YWHAE: variants seen among roughly 807,000 people sequenced by gnomAD.
YWHAE encodes the protein tyrosine 3-monooxygenase/tryptophan 5-monooxygenase activation protein epsilon, also known as 14-3-3 protein epsilon.
A neutral mutation model predicts 30.1 loss-of-function variants in YWHAE; 4 were observed. That is an observed-to-expected ratio of 0.13 (90% CI 0.07 to 0.30). YWHAE has a LOEUF of 0.30. Ranked by LOEUF, YWHAE falls within the 10% of genes least tolerant of loss-of-function variation. The pLI, the probability that YWHAE is intolerant of heterozygous loss-of-function variation, is 1.00. For synonymous variants in YWHAE, 118 were observed against 111.8 expected, an observed-to-expected ratio of 1.06 and a Z score of -0.35; for missense variants, 121 against 315.9, an observed-to-expected ratio of 0.38 and a Z score of 4.68.
At chr17:1,388,281 C>A (rs1385994602) in intron 1 of YWHAE, among the ~76,000 whole-genome samples, 1 of 150,622 alleles carries the variant, frequency 6.6e-6, no homozygotes, top group Non-Finnish European at 1.5e-5. Context: ...CTTTGGGAGG[C>A]TGAGTTGGGC....
Position 1,400,182 on chromosome 17 carries a change from C to T in YWHAE, c.-72G>A. 1.3e-6 allele frequency: 2 copies of T among 1,580,748 alleles called. No homozygotes were observed. The highest frequency in any genetic ancestry group is 3.4e-5 in the Admixed American group (2 of 59,320). ...AGTGTCTCCGACTCTCTCAGCCTCTCGCTCCGCGTCCGGGCAGCAAAAATG... is the reference window on the plus strand; with the variant it reads ...AGTGTCTCCGACTCTCTCAGCCTCTTGCTCCGCGTCCGGGCAGCAAAAATG... On this transcript the variant is annotated 5_prime_UTR_variant, in exon 1 of 6. Transcript: ENST00000264335.
chr17:1,389,467 C>T (rs549294685), intron 1 of YWHAE, among the ~76,000 whole-genome samples: 4 of 152,138 alleles, frequency 2.6e-5, no homozygotes, highest in Non-Finnish European at 5.9e-5. Context: ...ATAGCTAACA[C>T]CATTTTTCTT....
intron 1 of YWHAE, among the ~76,000 whole-genome samples, chr17:1,396,047 G>A (rs2007736): frequency 0.68 from 102,755 of 151,814 alleles, 36,686 homozygotes; most frequent in African/African-American, 0.91. Flanking sequence ...TGAACCCAGG[G>A]GATGGAGGTT....
intron 5 of YWHAE, among the ~76,000 whole-genome samples, chr17:1,351,204 C>T (rs1407320537): frequency 6.6e-6 from 1 of 151,806 alleles, no homozygotes; most frequent in Admixed American, 6.6e-5. Flanking sequence ...ATTAAAAATA[C>T]AAAAAATTAG....
intron 1 of YWHAE, among the ~76,000 whole-genome samples, chr17:1,385,924 G>GA (rs1014021206): frequency 3.3e-5 from 5 of 151,770 alleles, no homozygotes; most frequent in Non-Finnish European, 7.4e-5. Flanking sequence ...AAAAAAGGGG[G>GA]AAAAAAAGAA....
At chr17:1,370,973 T>C (rs1286151705) in intron 1 of YWHAE, among the ~76,000 whole-genome samples, 1 of 151,914 alleles carries the variant, frequency 6.6e-6, no homozygotes, top group Non-Finnish European at 1.5e-5. Flanking sequence ...CACTCCAGCC[T>C]GGGCGACACA....
chr17:1,346,483 A>G (rs7213824), intron 5 of YWHAE, among the ~76,000 whole-genome samples: 112,257 of 152,204 alleles, frequency 0.74, 42,819 homozygotes, highest in African/African-American at 0.93. Flanking sequence ...GGATGGACAA[A>G]TAACACCAAA....
intron 1 of YWHAE, among the ~76,000 whole-genome samples, chr17:1,384,296 A>C (rs568667417): frequency 6.0e-5 from 9 of 151,018 alleles, no homozygotes; most frequent in South Asian, 4.2e-4. Context: ...GGATTGCTTG[A>C]GCCCAGGAGG....
At chr17:1,359,051 G>A (rs1432348052) in intron 4 of YWHAE, among the ~76,000 whole-genome samples, 5 of 151,700 alleles carry the variant, frequency 3.3e-5, no homozygotes, top group South Asian at 2.1e-4. Flanking sequence ...CAGGAGAATC[G>A]CTTGAACCTG....
chr17:1,374,393 T>C (rs142548484), intron 1 of YWHAE, among the ~76,000 whole-genome samples: 29 of 152,282 alleles, frequency 1.9e-4, no homozygotes, highest in African/African-American at 6.5e-4. Context: ...TTATAAACAA[T>C]GCTGCTACGA....
intron 1 of YWHAE, among the ~76,000 whole-genome samples, chr17:1,386,137 A>C (rs1164409880): frequency 6.6e-6 from 1 of 152,210 alleles, no homozygotes; most frequent in African/African-American, 2.4e-5. Context: ...AAGTGAAAGA[A>C]ATAGCCAATA....
At chr17:1,387,995 G>A (rs1158495155) in intron 1 of YWHAE, among the ~76,000 whole-genome samples, 2 of 139,066 alleles carry the variant, frequency 1.4e-5, no homozygotes, top group Admixed American at 1.6e-4. Context: ...GCACTATCTC[G>A]GCTCACTGCA....
intron 2 of YWHAE, among the ~76,000 whole-genome samples, chr17:1,362,866 A>AG (rs2072885105): frequency 2.0e-5 from 3 of 152,140 alleles, no homozygotes; most frequent in Non-Finnish European, 4.4e-5. Context: ...GTCTAGGAGA[A>AG]GGAAGACTTC....
At chr17:1,387,644 G>T (rs2073318868) in intron 1 of YWHAE, among the ~76,000 whole-genome samples, 1 of 151,922 alleles carries the variant, frequency 6.6e-6, no homozygotes, top group East Asian at 1.9e-4. Flanking sequence ...AGTAGGCGGG[G>T]ATGGAGTCTT....
At chr17:1,356,310 A>T (rs1453523369) in intron 4 of YWHAE, among the ~76,000 whole-genome samples, 1 of 152,138 alleles carries the variant, frequency 6.6e-6, no homozygotes, top group East Asian at 1.9e-4. Flanking sequence ...CGGAGGTTGC[A>T]GTGAGGTGAA....
In YWHAE at chr17:1,400,210, G is replaced by A. The variant is rs2073548463; in HGVS notation, c.-100C>T. On this transcript the variant is annotated 5_prime_UTR_variant, in exon 1 of 6. Transcript: ENST00000264335. ...TCCGCGTCCGGGCAGCAAAAATGGC[G>A]GCGCCTCAATCCGGGACTTCCGCCT... The A allele has an allele frequency of 2.1e-6, 3 of 1,422,240 alleles. No individual in the cohort carries two copies. The highest frequency in any genetic ancestry group is 3.0e-6 in the Non-Finnish European group (3 of 1,014,284). 88.1% of individuals were successfully genotyped at this position (1,422,240 alleles called of 1,614,324 possible).
At chr17:1,372,427 T>C (rs1311356657) in intron 1 of YWHAE, among the ~76,000 whole-genome samples, 4 of 152,224 alleles carry the variant, frequency 2.6e-5, no homozygotes, top group African/African-American at 7.2e-5. Flanking sequence ...TTGAAGAACT[T>C]TTCCTTTGCA....
intron 1 of YWHAE, among the ~76,000 whole-genome samples, chr17:1,365,975 T>C (rs1294905602): frequency 2.7e-5 from 2 of 73,684 alleles, no homozygotes; most frequent in Non-Finnish European, 4.7e-5. Context: ...TCCCAGCACT[T>C]TGGCAGGCCG....
At chr17:1,387,249 G>C (rs2073313217) in intron 1 of YWHAE, among the ~76,000 whole-genome samples, 2 of 152,096 alleles carry the variant, frequency 1.3e-5, no homozygotes, top group Non-Finnish European at 2.9e-5. Flanking sequence ...CATCAGAATG[G>C]GAGATTTCTC....
Sources: gnomAD v4.1 joint callset for allele counts (sites outside exome capture counted in the v4.1 genomes callset) on GRCh38, gnomAD v4.1.1 for gene constraint, MANE v1.5 for transcripts, NCBI Gene and HGNC (gene_info 2026-07-23, HGNC 2026-07-21) for gene names.